FAM76B: variants seen among roughly 807,000 people sequenced by gnomAD.
FAM76B encodes protein FAM76B.
FAM76B carries 16 observed loss-of-function variants against 51.8 expected under a neutral mutation model. The observed-to-expected ratio is 0.31, with a 90% confidence interval of 0.21 to 0.47. FAM76B has a LOEUF of 0.47. FAM76B is among the 20% of genes least tolerant of loss of function. The pLI is 1.00. For synonymous variants in FAM76B, 166 were observed against 129.5 expected, an observed-to-expected ratio of 1.28 and a Z score of -1.91; for missense variants, 342 against 392.6, an observed-to-expected ratio of 0.87 and a Z score of 1.09.
chr11:95,788,662 C>T, intron 1 of FAM76B, 99 bp from the exon 2 acceptor site: 4 of 1,329,336 alleles, frequency 3.0e-6, no homozygotes, highest in Non-Finnish European at 3.1e-6. Flanking sequence ...AAGTCTAAAA[C>T]ATTTATAAAA....
At chr11:95,781,688 A>G (rs1860277778) in intron 5 of FAM76B, among the ~76,000 whole-genome samples, 1 of 152,130 alleles carries the variant, frequency 6.6e-6, no homozygotes, top group Admixed American at 6.6e-5. Flanking sequence ...TTTTTTCTTA[A>G]AGCAAGAAGC....
chr11:95,779,955 A>C, intron 5 of FAM76B, 29 bp from the exon 6 acceptor site: 1 of 1,578,664 alleles, frequency 6.3e-7, no homozygotes, highest in Non-Finnish European at 8.6e-7. Context: ...ACATCTAATA[A>C]TGACATTTAT....
Position 95,789,635 on chromosome 11 carries a change from C to CGAGAGCCCAG in FAM76B, c.-158_-157insCTGGGCTCTC. 1 of 559,412 alleles carries CGAGAGCCCAG rather than the reference C, an allele frequency of 1.8e-6. No individual in the cohort carries two copies. 34.7% of individuals were successfully genotyped at this position (559,412 alleles called of 1,614,324 possible). On this transcript the variant is annotated 5_prime_UTR_variant, in exon 1 of 10. Transcript: ENST00000358780. ...CTCGCCGCGAGAGCCCAGGGCCCCGCGGACGACGCCACCGTCTCCCTCCGC... is the reference window on the plus strand; with the variant it reads ...CTCGCCGCGAGAGCCCAGGGCCCCGCGAGAGCCCAGGGACGACGCCACCGTCTCCCTCCGC...
intron 4 of FAM76B, among the ~76,000 whole-genome samples, chr11:95,784,601 T>C (rs1330844818): frequency 6.6e-6 from 1 of 151,572 alleles, no homozygotes; most frequent in African/African-American, 2.4e-5. Flanking sequence ...CAATTTTTTT[T>C]TTTTTTTTGA....
At position 95,789,577 on chromosome 11, in the gene FAM76B, C is replaced by T. The variant is rs1860879251; in HGVS notation, c.-99G>A. On this transcript the variant is annotated 5_prime_UTR_variant, in exon 1 of 10. Coordinates refer to ENST00000358780, the MANE Select transcript of FAM76B (RefSeq NM_144664.5). ...CCGCCCGGGCCGCGGGCTCCTCCTC[C>T]TCCCCCTCCCCCTGCCTCGCGCCCA... The T allele has an allele frequency of 1.9e-6, 2 of 1,035,290 alleles. No individual in the cohort carries two copies. Among genetic ancestry groups the T allele is most frequent in the Non-Finnish European group, 2.8e-6 (2 of 723,432 alleles). The allele number at this position is 1,035,290 out of a possible 1,614,324, so 64.1% of individuals were successfully genotyped here.
rs1859768608 is a variant in FAM76B, at chr11:95,771,619, G to A, written c.962C>T (p.Ala321Val). The A allele has an allele frequency of 6.2e-7, 1 of 1,607,206 alleles. No individual in the cohort carries two copies. Residue 321 changes from alanine (A) to valine (V), a missense_variant, in exon 10 of 10, where the codon GCA becomes GTA. Physicochemically the swap from Ala to Val is moderately conservative, Grantham distance 64. Transcript: ENST00000358780. ...AAATTTTTTACCCTTTGATAATGCT[G>A]CGACCTGTTTGAGTAGTTCTCTGTT... The part of the protein sequence containing the change: ...AKNRELLKQV[A>V]ALSKGKKFDK...
At position 95,776,649 on chromosome 11, in the gene FAM76B, T is replaced by C. The variant is rs190053795; in HGVS notation, c.829-626A>G. On this transcript the variant is annotated intron_variant, in intron 8 of 9. Coordinates refer to ENST00000358780, the MANE Select transcript of FAM76B (RefSeq NM_144664.5). ...TAAAATTTGGGCTAAATTAGACAAA[T>C]ACAAGAAAAAAATCAGTGCTTTGAG... Among the ~76,000 whole-genome samples the C allele has an allele frequency of 2.9e-3, 435 of 151,284 alleles. 4 individuals are homozygous for C. Among genetic ancestry groups the C allele is most frequent in the African/African-American group, 0.01 (418 of 41,452 alleles).
chr11:95,776,261 T>C (rs996665454), intron 8 of FAM76B, among the ~76,000 whole-genome samples: 16 of 151,444 alleles, frequency 1.1e-4, no homozygotes, highest in Non-Finnish European at 1.0e-4. Flanking sequence ...CTCAGTTTTC[T>C]TTTTTTCCTA....
At chr11:95,785,058 A>G (rs1255426348) in intron 4 of FAM76B, among the ~76,000 whole-genome samples, 1 of 152,232 alleles carries the variant, frequency 6.6e-6, no homozygotes, top group African/African-American at 2.4e-5. Flanking sequence ...TTAGTTACCC[A>G]TAGTCAACCT....
At chr11:95,780,008 C>T (rs1487045780) in intron 5 of FAM76B, 82 bp from the exon 6 acceptor site, 2 of 1,275,072 alleles carry the variant, frequency 1.6e-6, no homozygotes, top group Non-Finnish European at 2.2e-6. Flanking sequence ...TCAATGGATA[C>T]AAATTTTATG....
In FAM76B at chr11:95,770,500, T is replaced by A. The variant is rs907605783; in HGVS notation, c.*1061A>T. On this transcript the variant is annotated 3_prime_UTR_variant, in exon 10 of 10. Transcript: ENST00000358780. ...CAGAAACATTAAAATTTTTAAAAAA[T>A]TTTATAAAATATAAAGCAAAACATG... 4.0e-5 allele frequency: 6 copies of A among 151,830 alleles called. 1 individual carries two copies. In the East Asian group the frequency reaches 5.8e-4, roughly 15 times the overall value. 9.4% of individuals were successfully genotyped at this position (151,830 alleles called of 1,614,324 possible).
At chr11:95,783,488 T>A (rs1349898815) in intron 4 of FAM76B, among the ~76,000 whole-genome samples, 8 of 152,188 alleles carry the variant, frequency 5.3e-5, no homozygotes, top group Non-Finnish European at 1.2e-4. Context: ...GAGGATGACA[T>A]CAGTTTTGAA....
At chr11:95,779,503 T>C (rs1860157236) in intron 7 of FAM76B, 104 bp downstream of exon 7, 1 of 1,025,654 alleles carries the variant, frequency 9.7e-7, no homozygotes, top group Non-Finnish European at 1.4e-6. Context: ...CAAGTCAATG[T>C]AGAAAATACA....
At position 95,788,583 on chromosome 11, in the gene FAM76B, T is replaced by A. The variant is rs772779904; in HGVS notation, c.88-20A>T. ...ACATTCCTGTAATAAGACAATACAT[T>A]AGTCAGTATCTTTCTGAAAGTCCCA... On this transcript the variant is annotated intron_variant, in intron 1 of 9. Transcript: ENST00000358780. 2 of 1,597,662 alleles carry A rather than the reference T, an allele frequency of 1.3e-6. No homozygotes were observed. The highest frequency in any genetic ancestry group is 3.4e-5 in the Admixed American group (2 of 59,048).
intron 3 of FAM76B, 117 bp downstream of exon 3, chr11:95,787,507 T>C: frequency 1.1e-6 from 1 of 951,466 alleles, no homozygotes; most frequent in Non-Finnish European, 1.6e-6. Flanking sequence ...CCCAAAGTGC[T>C]GGGATTACAG....
chr11:95,778,234 C>G (rs112030086), intron 8 of FAM76B, among the ~76,000 whole-genome samples: 1 of 151,620 alleles, frequency 6.6e-6, no homozygotes, highest in African/African-American at 2.4e-5. Flanking sequence ...TTCTGTAATT[C>G]TGTTAATATT....
In FAM76B at chr11:95,783,272, G is replaced by A. The variant is rs1860373846; in HGVS notation, c.364-8C>T. The A allele has an allele frequency of 1.2e-6, 2 of 1,608,982 alleles. No homozygotes were observed. Among genetic ancestry groups the A allele is most frequent in the African/African-American group, 1.3e-5 (1 of 74,618 alleles). Reference sequence around the variant, plus strand: ...TAATAACTTTCCATCAACCTTTTAAGAAAATGTGTTAAATTAAATGTACCC... The same window carrying A: ...TAATAACTTTCCATCAACCTTTTAAAAAAATGTGTTAAATTAAATGTACCC... On this transcript the variant is annotated splice_region_variant and splice_polypyrimidine_tract_variant and intron_variant, in intron 4 of 9. Transcript: ENST00000358780.
At chr11:95,779,852 C>A in intron 6 of FAM76B, 27 bp downstream of exon 6, 1 of 1,592,548 alleles carries the variant, frequency 6.3e-7, no homozygotes, top group Non-Finnish European at 8.5e-7. Context: ...TTTCAAAATA[C>A]TTCAGAAAAT....
chr11:95,789,184 A>G, intron 1 of FAM76B: 1 of 1,012,632 alleles, frequency 9.9e-7, no homozygotes, highest in Non-Finnish European at 1.4e-6. Context: ...CGCCTGGAAA[A>G]GGGCACGATT....
Sources: allele counts gnomAD v4.1 joint callset (sites outside exome capture counted in the v4.1 genomes callset), GRCh38; gene constraint gnomAD v4.1.1; transcripts MANE v1.5; gene names NCBI Gene and HGNC (gene_info 2026-07-23, HGNC 2026-07-21).